Variants in POLE observed in about 807,000 individuals in gnomAD.
The protein encoded by POLE is DNA polymerase epsilon, catalytic subunit.
A neutral mutation model predicts 279.2 loss-of-function variants in POLE; 188 were observed. That is an observed-to-expected ratio of 0.67 (90% CI 0.60 to 0.76). POLE has a LOEUF of 0.76. Among genes scored for constraint, POLE ranks in the 30% least tolerant of loss-of-function variants. POLE has a pLI of 0.00. For synonymous variants in POLE, 1,214 were observed against 1,172.5 expected, an observed-to-expected ratio of 1.04 and a Z score of -0.72; for missense variants, 2,703 against 3,016.7, an observed-to-expected ratio of 0.90 and a Z score of 2.44.
At chr12:132,638,601 GC>G (rs1159617936) in intron 40 of POLE, 1 of 168,068 alleles carries the variant, frequency 5.9e-6, no homozygotes, top group Non-Finnish European at 1.3e-5. Flanking sequence ...TCCACAAGGG[GC>G]CTCTGTGGGG....
chr12:132,626,030 A>G, intron 46 of POLE, 87 bp downstream of exon 46: 1 of 1,342,512 alleles, frequency 7.4e-7, no homozygotes, highest in Non-Finnish European at 1.0e-6. Flanking sequence ...TGACCCACAG[A>G]GCTGGAGCTG....
At chr12:132,636,669 T>C (rs1054660491) in intron 41 of POLE, among the ~76,000 whole-genome samples, 5 of 152,040 alleles carry the variant, frequency 3.3e-5, no homozygotes, top group South Asian at 2.1e-4. Context: ...GGTGGGCAGA[T>C]AGCTTGAGCC....
At chr12:132,655,809 G>A (rs574259536) in intron 29 of POLE, among the ~76,000 whole-genome samples, 23 of 152,186 alleles carry the variant, frequency 1.5e-4, no homozygotes, top group South Asian at 4.1e-4. Context: ...CCTGGTATAC[G>A]TATTTTTTAC....
intron 32 of POLE, among the ~76,000 whole-genome samples, chr12:132,645,019 G>C (rs1368996790): frequency 1.0e-5 from 1 of 97,582 alleles, no homozygotes; most frequent in African/African-American, 4.6e-5. Flanking sequence ...GGGGGCCTGG[G>C]AAAGCTGGAG....
chr12:132,653,820 T>C (rs1028131315), intron 29 of POLE, among the ~76,000 whole-genome samples: 23 of 151,298 alleles, frequency 1.5e-4, no homozygotes, highest in Admixed American at 1.2e-3. Context: ...CTTTATCAGG[T>C]TAAGAAACAT....
chr12:132,650,348 C>CT (rs1174054416), intron 29 of POLE: 5 of 173,926 alleles, frequency 2.9e-5, no homozygotes, highest in African/African-American at 1.2e-4. Flanking sequence ...GGTGTGGTGG[C>CT]TCACGCCTGT....
rs766881835 is a variant in POLE at position 132,680,055 on chromosome 12, G to A, written c.331-9C>T. ...ACTTCTCGCTCACAACCCTAATCAG[G>A]ATCAGAATGAAAAGGCTTTCCATTG... On this transcript the variant is annotated splice_polypyrimidine_tract_variant and intron_variant, in intron 4 of 48. Coordinates refer to ENST00000320574, the MANE Select transcript of POLE (RefSeq NM_006231.4). 2 of 1,611,944 alleles carry A rather than the reference G, an allele frequency of 1.2e-6. No individual in the cohort carries two copies. The highest frequency in any genetic ancestry group is 4.5e-5 in the East Asian group (2 of 44,864).
intron 1 of POLE, among the ~76,000 whole-genome samples, chr12:132,682,270 G>A (rs1416433552): frequency 2.0e-5 from 3 of 149,932 alleles, no homozygotes; most frequent in African/African-American, 5.0e-5. Flanking sequence ...CTCCAGCCTG[G>A]GCAGCAGAGC....
chr12:132,685,928 T>G (rs944268765), intron 1 of POLE, among the ~76,000 whole-genome samples: 2 of 152,032 alleles, frequency 1.3e-5, no homozygotes, highest in Non-Finnish European at 2.9e-5. Context: ...CAGCCTGGAG[T>G]GCAATGGCGC....
chr12:132,641,476 A>G lies in POLE; in HGVS notation c.5378+171T>C, dbSNP rs1326246018. The G allele has an allele frequency of 3.7e-5, 23 of 625,578 alleles. No homozygotes were observed. The East Asian group carries it at 5.5e-4, about 15-fold the overall frequency. 38.8% of individuals were successfully genotyped at this position (625,578 alleles called of 1,614,324 possible). Reference sequence around the variant, plus strand: ...TCGCCAGGGACCAGGCCGGACCCCCACAGTGGTAAAGACAATAGACTATGG... The same window carrying G: ...TCGCCAGGGACCAGGCCGGACCCCCGCAGTGGTAAAGACAATAGACTATGG... On this transcript the variant is annotated intron_variant, in intron 39 of 48. Coordinates refer to ENST00000320574, the MANE Select transcript of POLE (RefSeq NM_006231.4).
intron 32 of POLE, among the ~76,000 whole-genome samples, chr12:132,645,415 G>A (rs2042260715): frequency 6.6e-6 from 1 of 152,084 alleles, no homozygotes; most frequent in Admixed American, 6.5e-5. Context: ...TCCTGGAGAG[G>A]AGCACCCTAG....
Position 132,668,316 on chromosome 12 carries a change from A to G in POLE, c.2173+40T>C. 1 of 1,515,190 alleles carries G rather than the reference A, an allele frequency of 6.6e-7. No homozygotes were observed. Among genetic ancestry groups the G allele is most frequent in the South Asian group, 1.3e-5 (1 of 75,448 alleles). The allele number at this position is 1,515,190 out of a possible 1,614,324, so 93.9% of individuals were successfully genotyped here. A position where few individuals can be genotyped will look rare whatever the true frequency, so the allele number is the denominator to read the frequency against. On this transcript the variant is annotated intron_variant, in intron 19 of 48. Transcript: ENST00000320574. This position sits in a 1 kb window ranked among gnomAD's most constrained non-coding sequence, Gnocchi z 4.0. The stretch of plus-strand genomic sequence containing the variant: ...AGTAAGAACAGAAAGTGGGAGCAGG[A>G]GCCACATCTTTACAGCCGTGACCAT...
In POLE at chr12:132,668,800, TAA is replaced by T; in HGVS notation, c.1923+9_1923+10del. The T allele has an allele frequency of 6.2e-7, 1 of 1,613,850 alleles. No homozygotes were observed. The highest frequency in any genetic ancestry group is 1.3e-5 in the African/African-American group (1 of 74,996). On this transcript the variant is annotated intron_variant, in intron 17 of 48. Transcript: ENST00000320574. This position sits in a 1 kb window ranked among gnomAD's most constrained non-coding sequence, Gnocchi z 4.0. Reference sequence around the variant, plus strand: ...AGAGCTCCGACTCTGACACGGGAAGTAAAGTCTCACCTGCAGGCGGTTGGTCA... The same window carrying T: ...AGAGCTCCGACTCTGACACGGGAAGTAGTCTCACCTGCAGGCGGTTGGTCA...
At chr12:132,665,506 A>G (rs1287070479) in intron 20 of POLE, 56 bp from the exon 21 acceptor site, 6 of 1,557,002 alleles carry the variant, frequency 3.9e-6, no homozygotes, top group Non-Finnish European at 5.2e-6. Context: ...CACATTCTAC[A>G]AAGTCAATAG....
At chr12:132,629,833 A>AGCCTGT (rs1423807659) in intron 45 of POLE, among the ~76,000 whole-genome samples, 2 of 152,220 alleles carry the variant, frequency 1.3e-5, no homozygotes, top group Non-Finnish European at 2.9e-5. Context: ...CCTAGCTTTC[A>AGCCTGT]GCCTGTCTCG....
chr12:132,671,521 T>C (rs2042927375), intron 16 of POLE, among the ~76,000 whole-genome samples: 1 of 150,716 alleles, frequency 6.6e-6, no homozygotes, highest in Non-Finnish European at 1.5e-5. Context: ...ATACAAAAAC[T>C]AGCCAGGTGT....
In POLE at chr12:132,653,225, C is replaced by T. The variant is rs1422387609; in HGVS notation, c.3583-3336G>A. 3.3e-5 allele frequency among the ~76,000 whole-genome samples: 5 copies of T among 152,222 alleles called. No individual in the cohort carries two copies. In the South Asian group the frequency reaches 6.2e-4, roughly 19 times the overall value. ...TGAGACCCAGCCTCTACAAAAAATACATAGCCAGGTGTGGTGGTGCACACT... is the reference window on the plus strand; with the variant it reads ...TGAGACCCAGCCTCTACAAAAAATATATAGCCAGGTGTGGTGGTGCACACT... On this transcript the variant is annotated intron_variant, in intron 29 of 48. Transcript: ENST00000320574.
chr12:132,679,688 G>T, intron 5 of POLE, 37 bp from the exon 6 acceptor site: 1 of 1,591,334 alleles, frequency 6.3e-7, no homozygotes, highest in South Asian at 1.1e-5. Context: ...TGGTTCAAGA[G>T]AAATAGGACT....
intron 27 of POLE, 50 bp from the exon 28 acceptor site, chr12:132,657,479 G>A: frequency 2.7e-6 from 4 of 1,484,672 alleles, no homozygotes; most frequent in Non-Finnish European, 3.8e-6. Flanking sequence ...CAGCAGCCAA[G>A]AGTGGGGCTC....
Sources: gnomAD v4.1 joint callset for allele counts (sites outside exome capture counted in the v4.1 genomes callset) on GRCh38, gnomAD v4.1.1 for gene constraint, Gnocchi (gnomAD v3.1) non-coding constraint, MANE v1.5 for transcripts, NCBI Gene and HGNC (gene_info 2026-07-23, HGNC 2026-07-21) for gene names.